SLC43A2: variants seen among roughly 807,000 people sequenced by gnomAD.
SLC43A2 encodes the protein large neutral amino acids transporter small subunit 4.
Under a neutral mutation model 63.2 loss-of-function variants are expected in SLC43A2, and 38 were observed. The observed-to-expected ratio is 0.60, with a 90% CI of 0.46 to 0.79. The LOEUF (loss-of-function observed/expected upper bound fraction) is 0.79, where lower values mean the gene tolerates loss of function less well. Ranked by LOEUF, SLC43A2 falls within the 30% of genes least tolerant of loss-of-function variation. The pLI, the probability that SLC43A2 is intolerant of heterozygous loss-of-function variation, is 0.00. For synonymous variants in SLC43A2, 322 were observed against 331.0 expected, an observed-to-expected ratio of 0.97 and a Z score of 0.30; for missense variants, 644 against 756.2, an observed-to-expected ratio of 0.85 and a Z score of 1.74.
rs928241683 is a variant in SLC43A2, at chr17:1,606,728, G to C, written c.501+6467C>G. 6.6e-6 allele frequency among the ~76,000 whole-genome samples: 1 copy of C among 152,222 alleles called. No individual in the cohort carries two copies. The highest frequency in any genetic ancestry group is 1.5e-5 in the Non-Finnish European group (1 of 68,032). On this transcript the variant is annotated intron_variant, in intron 5 of 13. Transcript: ENST00000301335. This position sits in a 1 kb window ranked among gnomAD's most constrained non-coding sequence, Gnocchi z 4.7. The stretch of plus-strand genomic sequence containing the variant: ...GAGCGTGCCGTCCAGATGTCCCGGG[G>C]GAGGCTGAGGATCCACACCGTGGGG...
intron 5 of SLC43A2, among the ~76,000 whole-genome samples, chr17:1,597,498 C>CAA (rs71148498): frequency 0.078 from 10,255 of 131,348 alleles, 1,340 homozygotes; most frequent in African/African-American, 0.27. Flanking sequence ...GAGCAAGACT[C>CAA]AAAAAAAAAA....
At chr17:1,587,023 T>C in intron 9 of SLC43A2, 18 of 1,470,864 alleles carry the variant, frequency 1.2e-5, no homozygotes, top group Non-Finnish European at 1.6e-5. Context: ...GAAATCTCAG[T>C]GCTACAGAGA....
intron 5 of SLC43A2, among the ~76,000 whole-genome samples, chr17:1,612,899 G>T (rs564210703): frequency 5.9e-5 from 9 of 152,140 alleles, no homozygotes; most frequent in African/African-American, 2.2e-4. Flanking sequence ...TTGAACCTGG[G>T]ACGCGGAGGT....
intron 5 of SLC43A2, chr17:1,604,848 C>T: frequency 1.3e-6 from 2 of 1,535,718 alleles, no homozygotes; most frequent in Non-Finnish European, 1.7e-6. Flanking sequence ...CTGGGTCACT[C>T]CCCACATTCC....
intron 11 of SLC43A2, among the ~76,000 whole-genome samples, chr17:1,582,448 C>G (rs771535000): frequency 1.2e-4 from 18 of 152,188 alleles, no homozygotes; most frequent in Non-Finnish European, 2.1e-4. Context: ...GTAGAAACCC[C>G]GTGAGACTCT....
intron 9 of SLC43A2, chr17:1,586,928 T>TGGCCCCCCCCCCCCCCCAAACC: frequency 8.1e-7 from 1 of 1,232,912 alleles, no homozygotes; most frequent in Non-Finnish European, 1.1e-6. Flanking sequence ...TCCCTGACAA[T>TGGCCCCCCCCCCCCCCCAAACC]CCCCCCCACC....
At position 1,572,791 on chromosome 17, in the gene SLC43A2, G is replaced by C. The variant is rs2075865216; in HGVS notation, c.*2813C>G. 6.6e-6 allele frequency: 1 copy of C among 152,428 alleles called. No homozygotes were observed. The highest frequency in any genetic ancestry group is 2.4e-5 in the African/African-American group (1 of 41,470). The allele number at this position is 152,428 out of a possible 1,614,324, so 9.4% of individuals were successfully genotyped here. The stretch of plus-strand genomic sequence containing the variant: ...TCCCAGTAAGTGCCACACCCTGAGG[G>C]TGGGTGGGAGAGTGAGGCAGCACTG... On this transcript the variant is annotated 3_prime_UTR_variant, in exon 14 of 14. Coordinates refer to ENST00000301335, the MANE Select transcript of SLC43A2 (RefSeq NM_152346.3).
chr17:1,608,448 C>T (rs949185135), intron 5 of SLC43A2, among the ~76,000 whole-genome samples: 19 of 151,968 alleles, frequency 1.3e-4, no homozygotes, highest in Non-Finnish European at 2.4e-4. Context: ...GGCTGGAGTG[C>T]AGTGGTGCGA....
At chr17:1,627,652 ATCCCG>A in intron 2 of SLC43A2, 58 bp downstream of exon 2, 73 of 227,070 alleles carry the variant, frequency 3.2e-4, no homozygotes, top group Non-Finnish European at 5.9e-4. Flanking sequence ...CTTCGCCCCC[ATCCCG>A]CCCCCTCCCA....
intron 5 of SLC43A2, among the ~76,000 whole-genome samples, chr17:1,599,452 C>T (rs1392676988): frequency 1.3e-5 from 2 of 152,090 alleles, no homozygotes; most frequent in Non-Finnish European, 2.9e-5. Context: ...ATAATCCCAG[C>T]ACTTTAGGAG....
At position 1,575,510 on chromosome 17, in the gene SLC43A2, A is replaced by C. The variant is rs1216022028; in HGVS notation, c.*94T>G. ...GTGAACGCTGGCACGGAGACGGCGAAGGTCCTGGGGGTGCGTGGGGTACTC... is the reference window on the plus strand; with the variant it reads ...GTGAACGCTGGCACGGAGACGGCGACGGTCCTGGGGGTGCGTGGGGTACTC... On this transcript the variant is annotated 3_prime_UTR_variant, in exon 14 of 14. Coordinates refer to ENST00000301335, the MANE Select transcript of SLC43A2 (RefSeq NM_152346.3). 1 of 1,525,078 alleles carries C rather than the reference A, an allele frequency of 6.6e-7. No individual in the cohort carries two copies. Among genetic ancestry groups the C allele is most frequent in the Admixed American group, 1.7e-5 (1 of 58,650 alleles). The allele number at this position is 1,525,078 out of a possible 1,614,324, so 94.5% of individuals were successfully genotyped here. A position where few individuals can be genotyped will look rare whatever the true frequency, so the allele number is the denominator to read the frequency against.
chr17:1,604,487 G>A (rs921523127), intron 5 of SLC43A2: 18 of 537,990 alleles, frequency 3.3e-5, no homozygotes, highest in East Asian at 6.2e-5. Flanking sequence ...GACCTGGGCC[G>A]GTTCAGCCCT....
chr17:1,587,457 T>C (rs1311718032), intron 9 of SLC43A2, among the ~76,000 whole-genome samples: 1 of 152,214 alleles, frequency 6.6e-6, no homozygotes, highest in East Asian at 1.9e-4. Context: ...CTCCTCCAGA[T>C]GGCCAGAGCT....
chr17:1,611,968 TTTG>T (rs909501808), intron 5 of SLC43A2, among the ~76,000 whole-genome samples: 2 of 152,200 alleles, frequency 1.3e-5, no homozygotes, highest in South Asian at 2.1e-4. Flanking sequence ...GACTTTCTTT[TTTG>T]TTGTTGTTTT....
At chr17:1,612,626 T>C (rs142696020) in intron 5 of SLC43A2, among the ~76,000 whole-genome samples, 2 of 152,322 alleles carry the variant, frequency 1.3e-5, no homozygotes, top group African/African-American at 4.8e-5. Context: ...CTGCCTTCCT[T>C]GGGCACAAGG....
chr17:1,610,541 T>C (rs567505316), intron 5 of SLC43A2, among the ~76,000 whole-genome samples: 6 of 150,700 alleles, frequency 4.0e-5, no homozygotes, highest in Non-Finnish European at 5.9e-5. Flanking sequence ...AGTGCTGGGA[T>C]TACAGGTGTG....
chr17:1,613,268 A>G lies in SLC43A2; in HGVS notation c.428T>C (p.Leu143Pro). ...IAYGASKPNA[L>P]SVLIFIALAL... is the part of the protein sequence containing the mutation. ...CAGGGCGATGAAGATGAGCACGGAG[A>G]GAGCTGCAGGGACATGGAAAGCTCG... Residue 143 changes from leucine to proline, a missense_variant, in exon 5 of 14, where the codon CTC becomes CCC. By Grantham distance (98) the Leu-to-Pro change is moderately conservative. Around this residue, in one of 3 missense-constraint regions of SLC43A2, gnomAD observed 528 missense variants for 623.6 expected, o/e 0.85. Transcript: ENST00000301335. 1 of 1,614,112 alleles carries G rather than the reference A, an allele frequency of 6.2e-7. No individual in the cohort carries two copies. The highest frequency in any genetic ancestry group is 8.5e-7 in the Non-Finnish European group (1 of 1,180,014).
At position 1,585,941 on chromosome 17, in the gene SLC43A2, C is replaced by G. The variant is rs200971388; in HGVS notation, c.1189G>C (p.Glu397Gln). ...TTGGCGTCTTTCTCCTCGGGCTCCT[C>G]GGAGGCGTCTTCACACTCCTTCAGC... ...WRLKECEDAS[E>Q]EPEEKDANQG... is the part of the protein sequence containing the mutation. The change falls in exon 10 of 14, where the codon GAG becomes CAG. Residue 397 changes from glutamate (E) to glutamine (Q), a missense_variant. Transcript: ENST00000301335. 1.2e-6 allele frequency: 2 copies of G among 1,613,558 alleles called. No individual in the cohort carries two copies. The highest frequency in any genetic ancestry group is 1.7e-6 in the Non-Finnish European group (2 of 1,180,034).
rs200135342 is a variant in SLC43A2, at chr17:1,615,023, G to A, written c.380C>T (p.Ala127Val). Residue 127 changes from alanine (A) to valine (V), a missense_variant, in exon 4 of 14, where the codon GCG becomes GTG. By Grantham distance (64) the Ala-to-Val change is moderately conservative (BLOSUM62 0). Coordinates refer to ENST00000301335, the MANE Select transcript of SLC43A2 (RefSeq NM_152346.3). ...KLRLLGSACF[A>V]VSCLLIAYGA... ...GTACGCAATCAGCAAGCAGGAAACC[G>A]CGAAGCAGGCGCTAAAACCAAGCAG... The A allele has an allele frequency of 2.7e-5, 43 of 1,613,958 alleles. No homozygotes were observed. The highest frequency in any genetic ancestry group is 1.2e-4 in the Admixed American group (7 of 59,990).
Sources: allele counts gnomAD v4.1 joint callset (sites outside exome capture counted in the v4.1 genomes callset), GRCh38; gene constraint gnomAD v4.1.1; regional missense constraint gnomAD v4.1.1; non-coding constraint Gnocchi (gnomAD v3.1); transcripts MANE v1.5; gene names NCBI Gene and HGNC (gene_info 2026-07-23, HGNC 2026-07-21).